Variants in ENTREP2 observed in about 807,000 individuals in gnomAD.
The protein encoded by ENTREP2 is protein ENTREP2.
At chr15:29,500,028 A>AAGT in the ENTREP2 span, among the ~76,000 whole-genome samples, 2 of 151,988 alleles carry the variant, frequency 1.3e-5, no homozygotes, top group African/African-American at 4.8e-5. Context: ...ACTAATAAAA[A>AAGT]GGTCAAGTCA....
At chr15:29,201,718 G>A in the ENTREP2 span, among the ~76,000 whole-genome samples, 2 of 152,060 alleles carry the variant, frequency 1.3e-5, no homozygotes, top group Non-Finnish European at 2.9e-5. Context: ...ACATTAATAA[G>A]GGATATTGGC....
the ENTREP2 span, among the ~76,000 whole-genome samples, chr15:29,608,522 T>TTATTA: frequency 2.8e-4 from 40 of 140,550 alleles, no homozygotes; most frequent in South Asian, 6.7e-3. Context: ...TCCTGCCTTC[T>TTATTA]TTATTATTAT....
chr15:29,160,046 G>A, the ENTREP2 span, among the ~76,000 whole-genome samples: 9 of 152,236 alleles, frequency 5.9e-5, no homozygotes, highest in Non-Finnish European at 1.0e-4. Context: ...ATGGTAGGCT[G>A]CAGGTCCTGA....
chr15:29,180,734 T>G, the ENTREP2 span, among the ~76,000 whole-genome samples: 1 of 151,752 alleles, frequency 6.6e-6, no homozygotes, highest in African/African-American at 2.4e-5. Flanking sequence ...TCCATATATC[T>G]GCAAAATTTA....
chr15:29,498,304 A>G, the ENTREP2 span, among the ~76,000 whole-genome samples: 1 of 152,114 alleles, frequency 6.6e-6, no homozygotes, highest in Non-Finnish European at 1.5e-5. Flanking sequence ...GAATGGACTG[A>G]TATACCCAAA....
the ENTREP2 span, among the ~76,000 whole-genome samples, chr15:29,295,682 G>A: frequency 6.6e-6 from 1 of 152,154 alleles, no homozygotes; most frequent in East Asian, 1.9e-4. Context: ...AGTAATATGA[G>A]GGTTCCTTGA....
At chr15:29,608,522 T>TTTATTATTATTATTA in the ENTREP2 span, among the ~76,000 whole-genome samples, 741 of 140,550 alleles carry the variant, frequency 5.3e-3, 8 homozygotes, top group East Asian at 0.017. Context: ...TCCTGCCTTC[T>TTTATTATTATTATTA]TTATTATTAT....
the ENTREP2 span, among the ~76,000 whole-genome samples, chr15:29,456,327 C>T: frequency 1.3e-5 from 2 of 152,148 alleles, no homozygotes; most frequent in African/African-American, 4.8e-5. Flanking sequence ...AGGAGAAATG[C>T]TCACTAATCT....
chr15:29,577,291 A>G, the ENTREP2 span, among the ~76,000 whole-genome samples: 3 of 148,222 alleles, frequency 2.0e-5, no homozygotes, highest in Non-Finnish European at 4.5e-5. Flanking sequence ...ACCCAAATGA[A>G]TTGAAAGCAG....
the ENTREP2 span, among the ~76,000 whole-genome samples, chr15:29,608,612 T>C: frequency 6.6e-6 from 1 of 151,190 alleles, no homozygotes; most frequent in Non-Finnish European, 1.5e-5. Context: ...TGGAGTGCAG[T>C]GGCGCCATCT....
chr15:29,219,332 G>A, the ENTREP2 span, among the ~76,000 whole-genome samples: 5 of 151,946 alleles, frequency 3.3e-5, no homozygotes, highest in African/African-American at 9.7e-5. Flanking sequence ...AGATGTTGCC[G>A]TGGATGCAGT....
chr15:29,457,300 G>A, the ENTREP2 span, among the ~76,000 whole-genome samples: 5 of 152,182 alleles, frequency 3.3e-5, no homozygotes, highest in East Asian at 1.9e-4. Context: ...AGAAAATGAC[G>A]TCTTTGCTTA....
chr15:29,627,365 A>C, the ENTREP2 span, among the ~76,000 whole-genome samples: 1 of 152,010 alleles, frequency 6.6e-6, no homozygotes, highest in Admixed American at 6.6e-5. Flanking sequence ...CAACATGGTG[A>C]AACTTCGTCT....
the ENTREP2 span, among the ~76,000 whole-genome samples, chr15:29,468,899 TTAA>T: frequency 6.6e-6 from 1 of 152,116 alleles, no homozygotes. Flanking sequence ...AAAAAATATA[TTAA>T]TATGATTTTT....
chr15:29,486,175 G>GAC, the ENTREP2 span, among the ~76,000 whole-genome samples: 1 of 3,542 alleles, frequency 2.8e-4, no homozygotes, highest in Admixed American at 4.2e-3. Flanking sequence ...AAGAAAATGG[G>GAC]AGACACACAC....
the ENTREP2 span, among the ~76,000 whole-genome samples, chr15:29,318,366 G>A: frequency 6.6e-6 from 1 of 151,846 alleles, no homozygotes; most frequent in African/African-American, 2.4e-5. Flanking sequence ...AGTCACCCAG[G>A]CTGGAGTGCA....
the ENTREP2 span, among the ~76,000 whole-genome samples, chr15:29,225,959 C>T: frequency 2.6e-5 from 4 of 152,192 alleles, no homozygotes; most frequent in Middle Eastern, 3.2e-3. Flanking sequence ...CGCAGCTCCC[C>T]GTGTCTTTCC....
the ENTREP2 span, among the ~76,000 whole-genome samples, chr15:29,306,325 G>T: frequency 6.6e-6 from 1 of 152,208 alleles, no homozygotes; most frequent in African/African-American, 2.4e-5. Flanking sequence ...TGAGCATGCT[G>T]CATTTCCTAA....
the ENTREP2 span, among the ~76,000 whole-genome samples, chr15:29,503,185 AAAG>A: frequency 6.6e-6 from 1 of 152,286 alleles, no homozygotes; most frequent in East Asian, 1.9e-4. Flanking sequence ...CTAAAAGTGG[AAAG>A]AAACCAAATG....
Sources: allele counts gnomAD v4.1 joint callset (sites outside exome capture counted in the v4.1 genomes callset), GRCh38; gene constraint gnomAD v4.1.1; transcripts MANE v1.5; gene names NCBI Gene and HGNC (gene_info 2026-07-23, HGNC 2026-07-21).